PTGR2: variants seen among roughly 807,000 people sequenced by gnomAD.
The protein encoded by PTGR2 is 15-oxoprostaglandin 13-reductase.
A neutral mutation model predicts 43.4 loss-of-function variants in PTGR2; 32 were observed. That is an observed-to-expected ratio of 0.74 (90% CI 0.56 to 0.99). The LOEUF (loss-of-function observed/expected upper bound fraction) is 0.99, where lower values mean the gene tolerates loss of function less well. PTGR2 is among the 50% of genes least tolerant of loss of function. The probability of loss-of-function intolerance (pLI) is 0.00; values close to 1 mark genes in which losing one functional copy is unlikely to be tolerated. For synonymous variants in PTGR2, 106 were observed against 139.2 expected (o/e 0.76, Z 1.68); for missense variants, 373 against 420.0 (o/e 0.89, Z 0.98).
chr14:73,870,167 T>C lies in PTGR2; in HGVS notation c.157-3856T>C, dbSNP rs553608072. On this transcript the variant is annotated intron_variant, in intron 3 of 9. Transcript: ENST00000555661. The stretch of plus-strand genomic sequence containing the variant: ...GGGCAGCAACGCAAGACCCCAACTC[T>C]AAAAAATAGAAAAATCTTAAGCAAC... 3.0e-3 allele frequency among the ~76,000 whole-genome samples: 441 copies of C among 148,874 alleles called. 1 individual carries two copies. The highest frequency in any genetic ancestry group is 0.01 in the African/African-American group (410 of 40,752).
chr14:73,863,506 TA>T (rs1219201859), intron 3 of PTGR2, among the ~76,000 whole-genome samples: 2 of 152,218 alleles, frequency 1.3e-5, no homozygotes, highest in Non-Finnish European at 2.9e-5. Flanking sequence ...AAAAACATTT[TA>T]AAATTGTTTA....
Position 73,882,453 on chromosome 14 carries a change from G to A in PTGR2, c.979+15G>A. ...AAACATGGGAGGTAAGATGAATGTAGACTTATTATATACACATGCTCAGCA... is the reference window on the plus strand; with the variant it reads ...AAACATGGGAGGTAAGATGAATGTAAACTTATTATATACACATGCTCAGCA... On this transcript the variant is annotated intron_variant, in intron 9 of 9. Transcript: ENST00000555661. 6.7e-7 allele frequency: 1 copy of A among 1,502,844 alleles called. No homozygotes were observed. Among genetic ancestry groups the A allele is most frequent in the Non-Finnish European group, 9.2e-7 (1 of 1,081,136 alleles). The allele number at this position is 1,502,844 out of a possible 1,614,324, so 93.1% of individuals were successfully genotyped here.
At position 73,882,392 on chromosome 14, in the gene PTGR2, T is replaced by C. The variant is rs2055010970; in HGVS notation, c.940-7T>C. The stretch of plus-strand genomic sequence containing the variant: ...AGACTATTAAATCTAGCTATTTTGA[T>C]TTACAGATTAAAGAGACGGTAATAA... On this transcript the variant is annotated splice_polypyrimidine_tract_variant and splice_region_variant and intron_variant, in intron 8 of 9. Coordinates refer to ENST00000555661, the MANE Select transcript of PTGR2 (RefSeq NM_001146154.2). 1.3e-6 allele frequency: 2 copies of C among 1,550,596 alleles called. No individual in the cohort carries two copies. The highest frequency in any genetic ancestry group is 1.8e-6 in the Non-Finnish European group (2 of 1,125,082).
At chr14:73,870,055 G>T (rs1363184373) in intron 3 of PTGR2, among the ~76,000 whole-genome samples, 1 of 152,026 alleles carries the variant, frequency 6.6e-6, no homozygotes, top group African/African-American at 2.4e-5. Context: ...GAATCAGCTG[G>T]GCATGGTGGC....
chr14:73,870,164 C>T (rs1296651494), intron 3 of PTGR2, among the ~76,000 whole-genome samples: 1 of 150,872 alleles, frequency 6.6e-6, no homozygotes, highest in Non-Finnish European at 1.5e-5. Context: ...AAGACCCCAA[C>T]TCTAAAAAAT....
At chr14:73,854,980 AC>A (rs2054311330) in intron 1 of PTGR2, among the ~76,000 whole-genome samples, 1 of 152,306 alleles carries the variant, frequency 6.6e-6, no homozygotes, top group African/African-American at 2.4e-5. Context: ...CTAGTCATTT[AC>A]CTTGTGATGG....
chr14:73,854,394 G>T (rs183630648), intron 1 of PTGR2, among the ~76,000 whole-genome samples: 24 of 152,242 alleles, frequency 1.6e-4, no homozygotes, highest in African/African-American at 5.1e-4. Context: ...GAGCCACCGT[G>T]CCCAGCCAAG....
chr14:73,875,155 C>G (rs1713188975), intron 4 of PTGR2, among the ~76,000 whole-genome samples: 1 of 151,912 alleles, frequency 6.6e-6, no homozygotes, highest in African/African-American at 2.4e-5. Context: ...TCACTGCACC[C>G]AGCCATTTTT....
intron 7 of PTGR2, among the ~76,000 whole-genome samples, chr14:73,880,828 G>A (rs1037563431): frequency 1.2e-4 from 19 of 152,146 alleles, no homozygotes; most frequent in African/African-American, 3.6e-4. Context: ...ATGGAGTCTC[G>A]CTCAGCCGCC....
In PTGR2 at chr14:73,874,156, CT is replaced by C; in HGVS notation, c.292del (p.Ser98LeufsTer20). On this transcript the variant is annotated frameshift_variant, in exon 4 of 10. Coordinates refer to ENST00000555661, the MANE Select transcript of PTGR2 (RefSeq NM_001146154.2). ...AATTTGACTAAAGGCGATTTTGTGACTTCTTTCTATTGGCCCTGGCAAACCA... is the reference window on the plus strand; with the variant it reads ...AATTTGACTAAAGGCGATTTTGTGACTCTTTCTATTGGCCCTGGCAAACCA... Reference protein sequence around the residue: ...HTNLTKGDFVTSFYWPWQTKV... With the variant: ...HTNLTKGDFVXSFYWPWQTKV... 1 of 1,613,904 alleles carries C rather than the reference CT, an allele frequency of 6.2e-7. No individual in the cohort carries two copies.
intron 3 of PTGR2, among the ~76,000 whole-genome samples, chr14:73,862,797 TC>T (rs1277594720): frequency 6.6e-6 from 1 of 152,118 alleles, no homozygotes; most frequent in Non-Finnish European, 1.5e-5. Flanking sequence ...AGCCTCGACC[TC>T]CTGGGCTCAA....
intron 4 of PTGR2, among the ~76,000 whole-genome samples, chr14:73,876,483 CTTT>C (rs766810794): frequency 2.8e-5 from 3 of 108,550 alleles, no homozygotes; most frequent in South Asian, 4.0e-4. Flanking sequence ...GACATAAGTC[CTTT>C]TTTTTTTTTT....
chr14:73,867,724 C>T (rs1162020380), intron 3 of PTGR2, among the ~76,000 whole-genome samples: 2 of 152,160 alleles, frequency 1.3e-5, no homozygotes, highest in Non-Finnish European at 2.9e-5. Flanking sequence ...CTGTGGATCC[C>T]ACCTCCTAAA....
chr14:73,873,864 T>C (rs1311369163), intron 3 of PTGR2, among the ~76,000 whole-genome samples, 159 bp from the exon 4 acceptor site: 2 of 152,234 alleles, frequency 1.3e-5, no homozygotes, highest in African/African-American at 4.8e-5. Flanking sequence ...AGTCACTATG[T>C]TGTTTCAGGT....
At chr14:73,873,663 C>G (rs1204155165) in intron 3 of PTGR2, among the ~76,000 whole-genome samples, 1 of 151,192 alleles carries the variant, frequency 6.6e-6, no homozygotes, top group Non-Finnish European at 1.5e-5. Flanking sequence ...GGGGTTTCAC[C>G]ATGTTGGCCA....
intron 5 of PTGR2, chr14:73,878,840 G>A: frequency 4.6e-6 from 2 of 439,398 alleles, no homozygotes; most frequent in South Asian, 2.6e-5. Flanking sequence ...ACTAATGATG[G>A]TTTTATTGGG....
chr14:73,874,286 T>C, intron 4 of PTGR2, 72 bp downstream of exon 4: 1 of 1,207,182 alleles, frequency 8.3e-7, no homozygotes, highest in South Asian at 1.5e-5. Context: ...GATATTCAGT[T>C]GTGTTTGTAA....
chr14:73,861,010 T>C (rs2054476633), intron 3 of PTGR2: 1 of 157,626 alleles, frequency 6.3e-6, no homozygotes, highest in Non-Finnish European at 1.4e-5. Context: ...ATCCACTTTA[T>C]AAGAGAGGCT....
intron 4 of PTGR2, among the ~76,000 whole-genome samples, chr14:73,875,791 C>T (rs1555351257): frequency 3.6e-4 from 40 of 111,268 alleles, no homozygotes; most frequent in South Asian, 5.8e-4. Context: ...AATATTTTGT[C>T]TCTTACATGG....
Sources: gnomAD v4.1 joint callset for allele counts (sites outside exome capture counted in the v4.1 genomes callset) on GRCh38, gnomAD v4.1.1 for gene constraint, MANE v1.5 for transcripts, NCBI Gene and HGNC (gene_info 2026-07-23, HGNC 2026-07-21) for gene names.